The following RCL1 variants were observed in gnomAD, a reference collection of about 807,000 sequenced individuals.
RCL1 encodes the protein RNA 3'-terminal phosphate cyclase-like protein.
A neutral mutation model predicts 42.4 loss-of-function variants in RCL1; 24 were observed. That is an observed-to-expected ratio of 0.57 (90% confidence interval 0.41 to 0.80). RCL1 has a LOEUF of 0.80. RCL1 is among the 30% of genes least tolerant of loss of function. The probability of loss-of-function intolerance (pLI) is 0.00; values close to 1 mark genes in which losing one functional copy is unlikely to be tolerated. For synonymous variants in RCL1, 228 were observed against 177.3 expected, an observed-to-expected ratio of 1.29 and a Z score of -2.27; for missense variants, 578 against 467.9, an observed-to-expected ratio of 1.24 and a Z score of -2.17.
chr9:4,815,403 A>G (rs374304729), intron 1 of RCL1, among the ~76,000 whole-genome samples: 7 of 149,674 alleles, frequency 4.7e-5, no homozygotes, highest in African/African-American at 1.2e-4. Context: ...TTTTAGTTCT[A>G]TTATATTTAT....
In RCL1 at chr9:4,841,147, T is replaced by A. The variant is rs1817303409; in HGVS notation, c.585-85T>A. On this transcript the variant is annotated intron_variant, in intron 5 of 8. Transcript: ENST00000381750. Reference sequence around the variant, plus strand: ...TGGAAGTCCCAGTTTGTTACTACAGTTCCACAAATACTTGCCAGCTTTATA... The same window carrying A: ...TGGAAGTCCCAGTTTGTTACTACAGATCCACAAATACTTGCCAGCTTTATA... 2.0e-6 allele frequency: 3 copies of A among 1,487,248 alleles called. No individual in the cohort carries two copies. In the East Asian group the frequency reaches 6.8e-5, roughly 34 times the overall value. The allele number at this position is 1,487,248 out of a possible 1,614,324, so 92.1% of individuals were successfully genotyped here.
intron 1 of RCL1, among the ~76,000 whole-genome samples, chr9:4,795,417 A>G (rs921694666): frequency 1.3e-5 from 2 of 152,174 alleles, no homozygotes; most frequent in African/African-American, 2.4e-5. Context: ...GAACAGAGAG[A>G]TAGATATGCA....
intron 8 of RCL1, among the ~76,000 whole-genome samples, chr9:4,850,724 G>A (rs2129714822): frequency 6.6e-6 from 1 of 152,226 alleles, no homozygotes; most frequent in East Asian, 1.9e-4. Flanking sequence ...AATAGACTTG[G>A]TAGTTAAGTA....
At chr9:4,855,737 A>G (rs1386055467) in intron 8 of RCL1, among the ~76,000 whole-genome samples, 1 of 152,034 alleles carries the variant, frequency 6.6e-6, no homozygotes, top group Non-Finnish European at 1.5e-5. Context: ...TCTGAAATGT[A>G]CCTTAATCTA....
At chr9:4,798,273 C>G (rs529368154) in intron 1 of RCL1, among the ~76,000 whole-genome samples, 1 of 152,300 alleles carries the variant, frequency 6.6e-6, no homozygotes, top group East Asian at 1.9e-4. Context: ...TTAACAGTCT[C>G]TGTATAATGT....
At chr9:4,830,026 G>A (rs1313238495) in intron 3 of RCL1, among the ~76,000 whole-genome samples, 1 of 152,196 alleles carries the variant, frequency 6.6e-6, no homozygotes, top group Non-Finnish European at 1.5e-5. Context: ...GGTGTGAGTG[G>A]GAGAAGAGGA....
intron 1 of RCL1, among the ~76,000 whole-genome samples, chr9:4,822,308 C>G (rs1294231032): frequency 6.6e-6 from 1 of 152,178 alleles, no homozygotes; most frequent in African/African-American, 2.4e-5. Context: ...AAGTGTCAGG[C>G]AGTCACAGTG....
intron 8 of RCL1, among the ~76,000 whole-genome samples, chr9:4,858,260 C>T (rs1465797210): frequency 6.6e-6 from 1 of 152,132 alleles, no homozygotes. Flanking sequence ...TGACCTTTAT[C>T]AGATATATGA....
At chr9:4,855,206 C>G (rs1310068980) in intron 8 of RCL1, among the ~76,000 whole-genome samples, 2 of 152,176 alleles carry the variant, frequency 1.3e-5, no homozygotes, top group African/African-American at 2.4e-5. Context: ...AAAAGCCTCA[C>G]TGCAGATAAT....
intron 5 of RCL1, chr9:4,836,613 A>T (rs1015239103): frequency 5.9e-5 from 9 of 151,864 alleles, no homozygotes; most frequent in African/African-American, 2.2e-4. Flanking sequence ...GGAGTGTGAC[A>T]AGGAGGGCAG....
rs1270862315 is a variant in RCL1, at chr9:4,814,105, C to A, written c.137-9443C>A. ...CATGGCACACTTATACATATATAACCAGCACGTTGTGCACATGTACCCTAG... is the reference window on the plus strand; with the variant it reads ...CATGGCACACTTATACATATATAACAAGCACGTTGTGCACATGTACCCTAG... On this transcript the variant is annotated intron_variant, in intron 1 of 8. Coordinates refer to ENST00000381750, the MANE Select transcript of RCL1 (RefSeq NM_005772.5). Among the ~76,000 whole-genome samples the A allele has an allele frequency of 3.9e-5, 6 of 151,924 alleles. No homozygotes were observed. In the East Asian group the frequency reaches 1.2e-3, roughly 29 times the overall value.
At chr9:4,797,222 A>G (rs1842927245) in intron 1 of RCL1, among the ~76,000 whole-genome samples, 1 of 152,232 alleles carries the variant, frequency 6.6e-6, no homozygotes, top group Non-Finnish European at 1.5e-5. Context: ...ACTAAATGAA[A>G]TAATACTTCA....
chr9:4,807,987 G>A (rs1173900735), intron 1 of RCL1, among the ~76,000 whole-genome samples: 1 of 152,058 alleles, frequency 6.6e-6, no homozygotes, highest in African/African-American at 2.4e-5. Context: ...CTATCTTGGT[G>A]TATATTCTGT....
chr9:4,800,836 T>TAG (rs957509205), intron 1 of RCL1, among the ~76,000 whole-genome samples: 3 of 151,900 alleles, frequency 2.0e-5, no homozygotes, highest in African/African-American at 7.3e-5. Flanking sequence ...ATATTTTTGG[T>TAG]AGAGACGGGG....
At chr9:4,811,343 A>G (rs1816167674) in intron 1 of RCL1, among the ~76,000 whole-genome samples, 1 of 151,806 alleles carries the variant, frequency 6.6e-6, no homozygotes, top group African/African-American at 2.4e-5. Context: ...GTCACTCTAT[A>G]GTGCTATAGA....
chr9:4,793,944 G>C (rs80299395), intron 1 of RCL1, among the ~76,000 whole-genome samples: 1 of 152,152 alleles, frequency 6.6e-6, no homozygotes, highest in Non-Finnish European at 1.5e-5. Flanking sequence ...GCAATGGTAG[G>C]TTAAAAAGAA....
chr9:4,830,337 T>A (rs901135189), intron 3 of RCL1, among the ~76,000 whole-genome samples: 3 of 152,140 alleles, frequency 2.0e-5, no homozygotes, highest in Admixed American at 6.6e-5. Context: ...GCTTGTAGGC[T>A]GAGGAGAAGC....
rs148220529 is a variant in RCL1, at chr9:4,808,792, G to C, written c.137-14756G>C. On this transcript the variant is annotated intron_variant, in intron 1 of 8. Transcript: ENST00000381750. ...GAAAATTATCACAATCAAGGGTAAT[G>C]TGGATTCTCATATAAGCAAAGCATG... Among the ~76,000 whole-genome samples the C allele has an allele frequency of 3.5e-3, 528 of 152,324 alleles. 1 individual carries two copies. The highest frequency in any genetic ancestry group is 5.9e-3 in the Non-Finnish European group (398 of 68,030).
chr9:4,819,732 G>T (rs577357252), intron 1 of RCL1, among the ~76,000 whole-genome samples: 1 of 152,138 alleles, frequency 6.6e-6, no homozygotes, highest in Admixed American at 6.5e-5. Flanking sequence ...GCTTGAACCC[G>T]GGAGGCGGAG....
Sources: gnomAD v4.1 joint callset for allele counts (sites outside exome capture counted in the v4.1 genomes callset) on GRCh38, gnomAD v4.1.1 for gene constraint, MANE v1.5 for transcripts, NCBI Gene and HGNC (gene_info 2026-07-23, HGNC 2026-07-21) for gene names.